RAPGEF6: variants seen among roughly 807,000 people sequenced by gnomAD.
The protein encoded by RAPGEF6 is PDZ domain containing guanine nucleotide exchange factor (GEF) 2.
A neutral mutation model predicts 171.4 loss-of-function variants in RAPGEF6; 56 were observed. The ratio of observed to expected loss-of-function variants is 0.33; its 90% CI spans 0.26 to 0.41. The LOEUF (loss-of-function observed/expected upper bound fraction) is 0.41. Among genes scored for constraint, RAPGEF6 ranks in the 10% least tolerant of loss-of-function variants. RAPGEF6 has a pLI of 1.00. For synonymous variants in RAPGEF6, 692 were observed against 650.1 expected (o/e 1.06, Z -0.98); for missense variants, 1,674 against 1,921.4 (o/e 0.87, Z 2.41).
At chr5:131,481,821 G>A (rs1755503666) in intron 15 of RAPGEF6, among the ~76,000 whole-genome samples, 1 of 152,230 alleles carries the variant, frequency 6.6e-6, no homozygotes, top group Non-Finnish European at 1.5e-5. Context: ...AGCTGTGGAA[G>A]CAAACACTCA....
chr5:131,522,172 A>G (rs1364431199), intron 6 of RAPGEF6, among the ~76,000 whole-genome samples: 1 of 152,202 alleles, frequency 6.6e-6, no homozygotes, highest in African/African-American at 2.4e-5. Flanking sequence ...TACAAGAAAC[A>G]CAAAAAGTAA....
chr5:131,601,159 GGATCACCT>G (rs1764227585), intron 3 of RAPGEF6, among the ~76,000 whole-genome samples: 1 of 151,704 alleles, frequency 6.6e-6, no homozygotes, highest in Non-Finnish European at 1.5e-5. Context: ...CGAGGCGGGT[GGATCACCT>G]GAGGTCACGA....
chr5:131,530,677 TATA>T (rs897229984), intron 6 of RAPGEF6, among the ~76,000 whole-genome samples: 5 of 152,232 alleles, frequency 3.3e-5, no homozygotes, highest in African/African-American at 9.6e-5. Flanking sequence ...ATCCTGCTCA[TATA>T]ATGTTTGCTG....
chr5:131,504,448 T>A (rs1757218556), intron 11 of RAPGEF6, among the ~76,000 whole-genome samples, 178 bp downstream of exon 11: 1 of 148,420 alleles, frequency 6.7e-6, no homozygotes. Context: ...GGCAACAGAG[T>A]GAGACTCCAT....
chr5:131,534,336 T>G (rs1759608572), intron 6 of RAPGEF6, among the ~76,000 whole-genome samples: 1 of 152,098 alleles, frequency 6.6e-6, no homozygotes, highest in African/African-American at 2.4e-5. Flanking sequence ...CAATCTGAAT[T>G]ACACTGCTAC....
chr5:131,558,673 TATTTTCTA>T (rs761776950), intron 5 of RAPGEF6, among the ~76,000 whole-genome samples: 1 of 152,220 alleles, frequency 6.6e-6, no homozygotes, highest in Non-Finnish European at 1.5e-5. Context: ...TCATTTAAAA[TATTTTCTA>T]ATTTTCTAAG....
chr5:131,573,000 C>T (rs1762395017), intron 4 of RAPGEF6, among the ~76,000 whole-genome samples: 1 of 152,142 alleles, frequency 6.6e-6, no homozygotes, highest in Non-Finnish European at 1.5e-5. Context: ...TCGCTCCCTC[C>T]CTAGTCTCTG....
chr5:131,485,868 G>A (rs1755850656), intron 15 of RAPGEF6, among the ~76,000 whole-genome samples: 1 of 152,164 alleles, frequency 6.6e-6, no homozygotes, highest in African/African-American at 2.4e-5. Flanking sequence ...TGATATTCTG[G>A]AGCAACTGTG....
chr5:131,612,792 T>C (rs1765013343), intron 1 of RAPGEF6, among the ~76,000 whole-genome samples: 2 of 152,206 alleles, frequency 1.3e-5, no homozygotes, highest in African/African-American at 4.8e-5. Context: ...TTATATCATA[T>C]AATTTTCTCC....
intron 7 of RAPGEF6, among the ~76,000 whole-genome samples, chr5:131,511,481 C>CTTTTTTTTTTTTTTTTTTTTTTT (rs55782171): frequency 1.5e-5 from 2 of 137,328 alleles, no homozygotes; most frequent in Non-Finnish European, 1.5e-5. Flanking sequence ...AAAAGATCAT[C>CTTTTTTTTTTTTTTTTTTTTTTT]TTTTTTTTTT....
At chr5:131,634,814 G>GC (rs2149496281) in intron 1 of RAPGEF6, 148 bp downstream of exon 1, 1 of 940,896 alleles carries the variant, frequency 1.1e-6, no homozygotes, top group African/African-American at 1.6e-5. Flanking sequence ...GGCGACAAGG[G>GC]CCTGGGTCAG....
intron 17 of RAPGEF6, among the ~76,000 whole-genome samples, chr5:131,467,973 G>A (rs1224756837): frequency 6.6e-6 from 1 of 151,952 alleles, no homozygotes; most frequent in African/African-American, 2.4e-5. Flanking sequence ...AGAGGCTGCA[G>A]TGAGCCGAGA....
chr5:131,555,934 A>C (rs1439056008), intron 5 of RAPGEF6, among the ~76,000 whole-genome samples: 1 of 152,230 alleles, frequency 6.6e-6, no homozygotes, highest in East Asian at 1.9e-4. Flanking sequence ...TATCTAGGCT[A>C]TATAGTATGG....
intron 1 of RAPGEF6, among the ~76,000 whole-genome samples, chr5:131,629,515 A>C (rs1384541083): frequency 2.0e-5 from 3 of 150,806 alleles, no homozygotes; most frequent in Non-Finnish European, 1.5e-5. Flanking sequence ...GCACTTTGGG[A>C]GGCTAAGGTG....
rs549595324 is a variant in RAPGEF6 at position 131,518,483 on chromosome 5, C to T, written c.627+2907G>A. On this transcript the variant is annotated intron_variant, in intron 7 of 27. Transcript: ENST00000509018. The stretch of plus-strand genomic sequence containing the variant: ...CGTGATCTTGGGTCACCGCAACCTC[C>T]GCCTCCTGGGTTCAAGTGATTCTCC... Among the ~76,000 whole-genome samples, 21 of 151,830 alleles carry T rather than the reference C, an allele frequency of 1.4e-4. No homozygotes were observed. The South Asian group carries it at 2.9e-3, about 21-fold the overall frequency.
intron 6 of RAPGEF6, among the ~76,000 whole-genome samples, chr5:131,533,862 T>C (rs1269770666): frequency 6.6e-6 from 1 of 151,922 alleles, no homozygotes; most frequent in East Asian, 1.9e-4. Flanking sequence ...TAAAAAAAAT[T>C]GCCCCATTTT....
At chr5:131,457,487 AT>A (rs1307446603) in intron 19 of RAPGEF6, among the ~76,000 whole-genome samples, 3 of 152,248 alleles carry the variant, frequency 2.0e-5, no homozygotes, top group Non-Finnish European at 4.4e-5. Flanking sequence ...CACAATCTCC[AT>A]TTACTAAGAA....
intron 17 of RAPGEF6, chr5:131,472,351 G>A (rs1213611104): frequency 9.5e-5 from 51 of 534,112 alleles, no homozygotes; most frequent in South Asian, 6.2e-4. Context: ...GATTACAGGC[G>A]TGAGCCACTG....
rs898343452 is a variant in RAPGEF6 at position 131,428,826 on chromosome 5, T to C, written c.4780+76A>G. On this transcript the variant is annotated intron_variant, in intron 27 of 27. Transcript: ENST00000509018. ...TTAAAGAAACAATTACTAATTACCA[T>C]AAAATACCAAAGTAAAGACCATTTA... is the stretch of plus-strand genomic sequence containing the variant. The C allele has an allele frequency of 7.1e-6, 10 of 1,406,236 alleles. 1 individual carries two copies. The Admixed American group carries it at 1.3e-4, about 18-fold the overall frequency. 87.1% of individuals were successfully genotyped at this position (1,406,236 alleles called of 1,614,324 possible). A position where few individuals can be genotyped will look rare whatever the true frequency, so the allele number is the denominator to read the frequency against.
Sources: allele counts gnomAD v4.1 joint callset (sites outside exome capture counted in the v4.1 genomes callset), GRCh38; gene constraint gnomAD v4.1.1; transcripts MANE v1.5; gene names NCBI Gene and HGNC (gene_info 2026-07-23, HGNC 2026-07-21).